The following LRRK2 variants were observed in gnomAD, a reference collection of about 807,000 sequenced individuals.
LRRK2 encodes leucine-rich repeat serine/threonine-protein kinase 2.
In LRRK2, 203 loss-of-function variants were observed where a neutral mutation model predicts 302.6. The observed-to-expected ratio is 0.67, with a 90% CI of 0.60 to 0.75. The LOEUF (loss-of-function observed/expected upper bound fraction) is 0.75, where lower values mean the gene tolerates loss of function less well. Ranked by LOEUF, LRRK2 falls within the 30% of genes least tolerant of loss-of-function variation. The pLI, the probability that LRRK2 is intolerant of heterozygous loss-of-function variation, is 0.00. For missense variants in LRRK2, 2,830 were observed against 2,951.0 expected, an observed-to-expected ratio of 0.96 and a Z score of 0.95; for synonymous variants, 1,066 against 1,031.9, an observed-to-expected ratio of 1.03 and a Z score of -0.63.
In LRRK2 at chr12:40,345,622, CAAAAAAAAAAAAA is replaced by C. The variant is rs144415226; in HGVS notation, c.6110-1120_6110-1108del. On this transcript the variant is annotated intron_variant, in intron 41 of 50. Transcript: ENST00000298910. ...TGGGCAAGAGAGTGAGACTCCATCTCAAAAAAAAAAAAAAAAAAAAAAAGAAAGAAAGAGTAGT... is the reference window on the plus strand; with the variant it reads ...TGGGCAAGAGAGTGAGACTCCATCTCAAAAAAAAAAGAAAGAAAGAGTAGT... Among the ~76,000 whole-genome samples, 140 of 67,520 alleles carry C rather than the reference CAAAAAAAAAAAAA, an allele frequency of 2.1e-3. 2 individuals carry two copies. The South Asian group carries it at 0.029, about 14-fold the overall frequency. 44.3% of individuals were successfully genotyped at this position (67,520 alleles called of 152,430 possible).
At chr12:40,247,500 T>C (rs530568541) in intron 7 of LRRK2, among the ~76,000 whole-genome samples, 2 of 136,588 alleles carry the variant, frequency 1.5e-5, no homozygotes, top group African/African-American at 5.4e-5. Context: ...GTATATATAT[T>C]TACACATGTA....
chr12:40,310,397 C>G (rs754562771), intron 30 of LRRK2, 34 bp from the exon 31 acceptor site: 1 of 1,603,192 alleles, frequency 6.2e-7, no homozygotes, highest in African/African-American at 1.3e-5. Flanking sequence ...AGTTTGAAAG[C>G]AAACACAAGA....
At chr12:40,343,909 T>C (rs1946119417) in intron 41 of LRRK2, among the ~76,000 whole-genome samples, 1 of 152,190 alleles carries the variant, frequency 6.6e-6, no homozygotes, top group East Asian at 1.9e-4. Context: ...AGAAGGGTAT[T>C]ATATTATAAT....
At chr12:40,285,533 A>G (rs1221002888) in intron 19 of LRRK2, among the ~76,000 whole-genome samples, 1 of 152,074 alleles carries the variant, frequency 6.6e-6, no homozygotes, top group African/African-American at 2.4e-5. Flanking sequence ...ATCTACTAAT[A>G]TTTTTAATAT....
At chr12:40,333,939 G>A (rs1215125612) in intron 39 of LRRK2, among the ~76,000 whole-genome samples, 3 of 152,036 alleles carry the variant, frequency 2.0e-5, no homozygotes, top group Non-Finnish European at 2.9e-5. Context: ...AGGGGGAGAC[G>A]AGAAGGTCTG....
At chr12:40,325,505 G>A (rs1945521270) in intron 38 of LRRK2, among the ~76,000 whole-genome samples, 1 of 152,206 alleles carries the variant, frequency 6.6e-6, no homozygotes, top group South Asian at 2.1e-4. Context: ...GTGCACTGCA[G>A]AATGTTTGGC....
At chr12:40,325,517 G>A (rs1368307690) in intron 38 of LRRK2, among the ~76,000 whole-genome samples, 10 of 152,172 alleles carry the variant, frequency 6.6e-5, no homozygotes, top group Admixed American at 5.9e-4. Context: ...ATGTTTGGCA[G>A]CATCTCTGTC....
At position 40,225,108 on chromosome 12, in the gene LRRK2, G is replaced by C. The variant is rs1282660070; in HGVS notation, c.-24G>C. 1 of 1,613,034 alleles carries C rather than the reference G, an allele frequency of 6.2e-7. No homozygotes were observed. The highest frequency in any genetic ancestry group is 1.1e-5 in the South Asian group (1 of 91,018). On this transcript the variant is annotated 5_prime_UTR_variant, in exon 1 of 51. Coordinates refer to ENST00000298910, the MANE Select transcript of LRRK2 (RefSeq NM_198578.4). ...CAGCGGACGTTCATGCTGGGAGGGC[G>C]GCGGGTTGGAAGCAGGTGCCACCAT... is the stretch of plus-strand genomic sequence containing the variant.
chr12:40,261,274 G>T (rs778403393), intron 13 of LRRK2, among the ~76,000 whole-genome samples: 17 of 151,898 alleles, frequency 1.1e-4, no homozygotes, highest in Non-Finnish European at 1.8e-4. Flanking sequence ...GGAGGTTTTG[G>T]GTTTTAAAGA....
At chr12:40,331,033 A>G (rs1945697929) in intron 39 of LRRK2, among the ~76,000 whole-genome samples, 1 of 152,134 alleles carries the variant, frequency 6.6e-6, no homozygotes, top group Non-Finnish European at 1.5e-5. Context: ...CATGTCAATT[A>G]GAATTTTTTT....
intron 34 of LRRK2, 116 bp from the exon 35 acceptor site, chr12:40,320,918 A>G: frequency 7.8e-7 from 1 of 1,279,176 alleles, no homozygotes; most frequent in Non-Finnish European, 1.1e-6. Context: ...ATGTTACAAA[A>G]AGATTACAAT....
chr12:40,229,229 T>A (rs1489587666), intron 2 of LRRK2, among the ~76,000 whole-genome samples: 4 of 152,146 alleles, frequency 2.6e-5, no homozygotes, highest in African/African-American at 9.7e-5. Flanking sequence ...GCTTTATATG[T>A]TGAATTAGCT....
intron 38 of LRRK2, 95 bp from the exon 39 acceptor site, chr12:40,328,265 A>T: frequency 1.0e-6 from 1 of 960,302 alleles, no homozygotes; most frequent in Non-Finnish European, 1.6e-6. Context: ...TTTCTATTCA[A>T]ATTTACAACA....
chr12:40,292,368 C>G (rs1944191690), intron 20 of LRRK2, among the ~76,000 whole-genome samples: 1 of 151,950 alleles, frequency 6.6e-6, no homozygotes, highest in African/African-American at 2.4e-5. Flanking sequence ...GTTACTCTAT[C>G]ATGCCTGAAA....
intron 13 of LRRK2, 27 bp downstream of exon 13, chr12:40,259,631 G>T (rs781507516): frequency 3.1e-6 from 5 of 1,612,008 alleles, no homozygotes; most frequent in Non-Finnish European, 4.2e-6. Context: ...ATTGTGGGAA[G>T]AGATAACAAT....
At chr12:40,322,568 G>T (rs1168522979) in intron 37 of LRRK2, 58 bp downstream of exon 37, 1 of 1,443,014 alleles carries the variant, frequency 6.9e-7, no homozygotes, top group Non-Finnish European at 9.7e-7. Flanking sequence ...CTTATGAAGT[G>T]ACTTTTAATA....
At chr12:40,310,941 C>T (rs1282576845) in intron 31 of LRRK2, among the ~76,000 whole-genome samples, 1 of 152,030 alleles carries the variant, frequency 6.6e-6, no homozygotes, top group Non-Finnish European at 1.5e-5. Flanking sequence ...GTTTTTGATG[C>T]CTTTTCTGAT....
intron 7 of LRRK2, among the ~76,000 whole-genome samples, chr12:40,244,577 C>G (rs867972828): frequency 6.6e-6 from 1 of 151,936 alleles, no homozygotes; most frequent in South Asian, 2.1e-4. Context: ...GTATGTCCTT[C>G]TTTGTGAAAT....
intron 20 of LRRK2, among the ~76,000 whole-genome samples, chr12:40,289,775 A>G (rs961661507): frequency 6.6e-6 from 1 of 151,790 alleles, no homozygotes; most frequent in Non-Finnish European, 1.5e-5. Flanking sequence ...TTATTTGTAC[A>G]TGAATTTTGT....
Sources: allele counts gnomAD v4.1 joint callset (sites outside exome capture counted in the v4.1 genomes callset), GRCh38; gene constraint gnomAD v4.1.1; transcripts MANE v1.5; gene names NCBI Gene and HGNC (gene_info 2026-07-23, HGNC 2026-07-21).